The following MARCHF1 variants were observed in gnomAD, a reference collection of about 807,000 sequenced individuals.
The protein encoded by MARCHF1 is membrane associated ring-CH-type finger 1.
In MARCHF1, 40 loss-of-function variants were observed where a neutral mutation model predicts 54.2. The ratio of observed to expected loss-of-function variants is 0.74; its 90% CI spans 0.57 to 0.96. The LOEUF is 0.96. MARCHF1 is among the 40% of genes least tolerant of loss of function. MARCHF1 has a pLI of 0.00. For missense variants in MARCHF1, 586 were observed against 656.5 expected (o/e 0.89, Z 1.17); for synonymous variants, 236 against 236.3 (o/e 1.00, Z 0.01).
intron 3 of MARCHF1, among the ~76,000 whole-genome samples, chr4:163,898,334 A>C (rs1019579438): frequency 2.0e-5 from 3 of 152,170 alleles, no homozygotes; most frequent in African/African-American, 7.2e-5. Context: ...GAACTCAAAC[A>C]ACAAAAAAGC....
At chr4:163,574,300 C>A (rs2110771293) in intron 8 of MARCHF1, among the ~76,000 whole-genome samples, 1 of 152,198 alleles carries the variant, frequency 6.6e-6, no homozygotes, top group East Asian at 1.9e-4. Context: ...TTTTGCTGTG[C>A]AGAAGCTCTT....
chr4:164,123,300 G>C (rs892205093), intron 1 of MARCHF1, among the ~76,000 whole-genome samples: 1 of 152,008 alleles, frequency 6.6e-6, no homozygotes, highest in Admixed American at 6.6e-5. Flanking sequence ...GATGAAAGCA[G>C]TTGAAGAGGA....
chr4:163,546,678 C>T (rs570512452), intron 8 of MARCHF1, among the ~76,000 whole-genome samples: 16 of 152,292 alleles, frequency 1.1e-4, no homozygotes, highest in African/African-American at 3.4e-4. Flanking sequence ...TTTAGAGCAA[C>T]CTTTAGTTGC....
chr4:164,223,627 A>G (rs1282121811), intron 1 of MARCHF1, among the ~76,000 whole-genome samples: 1 of 151,960 alleles, frequency 6.6e-6, no homozygotes, highest in Non-Finnish European at 1.5e-5. Context: ...CAATGCCTTC[A>G]TGCGCTATTG....
intron 1 of MARCHF1, among the ~76,000 whole-genome samples, chr4:164,242,498 C>A (rs1237707087): frequency 6.7e-6 from 1 of 149,198 alleles, no homozygotes; most frequent in Non-Finnish European, 1.5e-5. Flanking sequence ...CATCAAAGAC[C>A]AAAAGTAGAT....
At chr4:163,594,289 G>A (rs1428353653) in intron 7 of MARCHF1, among the ~76,000 whole-genome samples, 6 of 151,896 alleles carry the variant, frequency 4.0e-5, no homozygotes, top group African/African-American at 1.4e-4. Flanking sequence ...AACATTATGT[G>A]GCCAAGTATG....
chr4:163,830,348 G>T (rs374572162), intron 4 of MARCHF1, among the ~76,000 whole-genome samples: 4 of 151,336 alleles, frequency 2.6e-5, no homozygotes, highest in Admixed American at 6.6e-5. Flanking sequence ...ATATATGCAC[G>T]TATCAGCACA....
chr4:164,013,856 C>A (rs991706730), intron 2 of MARCHF1, among the ~76,000 whole-genome samples: 2 of 152,120 alleles, frequency 1.3e-5, no homozygotes, highest in Admixed American at 1.3e-4. Flanking sequence ...CAACACCAGA[C>A]TTGCCTTAAA....
chr4:163,860,833 C>T (rs1749908636), intron 3 of MARCHF1, among the ~76,000 whole-genome samples: 2 of 152,214 alleles, frequency 1.3e-5, no homozygotes, highest in African/African-American at 4.8e-5. Flanking sequence ...TTAAATACAG[C>T]CCAACTTCTA....
At chr4:163,558,735 C>T (rs959275259) in intron 8 of MARCHF1, among the ~76,000 whole-genome samples, 17 of 152,110 alleles carry the variant, frequency 1.1e-4, no homozygotes. Context: ...CAGGCTTTTG[C>T]GTTGCCAGGG....
chr4:163,750,789 T>C (rs755126094), intron 4 of MARCHF1, among the ~76,000 whole-genome samples: 1 of 152,080 alleles, frequency 6.6e-6, no homozygotes, highest in Non-Finnish European at 1.5e-5. Flanking sequence ...ATAAACACAG[T>C]AGTGGCAAAC....
intron 1 of MARCHF1, chr4:164,188,920 C>T (rs560979808): frequency 3.0e-4 from 230 of 766,408 alleles, no homozygotes; most frequent in Admixed American, 8.7e-4. Flanking sequence ...ATGCCCAATG[C>T]GAAGCAACCA....
intron 2 of MARCHF1, among the ~76,000 whole-genome samples, chr4:164,007,131 G>A (rs1325136479): frequency 1.3e-5 from 2 of 149,250 alleles, no homozygotes; most frequent in African/African-American, 4.9e-5. Flanking sequence ...CGGATCACGA[G>A]GTCAGGAGAT....
chr4:164,034,268 G>C (rs145530347), intron 2 of MARCHF1, among the ~76,000 whole-genome samples: 15 of 152,204 alleles, frequency 9.9e-5, no homozygotes, highest in Admixed American at 3.9e-4. Flanking sequence ...ACTCATAAGT[G>C]GAAGTTGAAT....
chr4:164,052,953 C>A (rs925442502), intron 2 of MARCHF1, among the ~76,000 whole-genome samples: 1 of 152,114 alleles, frequency 6.6e-6, no homozygotes, highest in African/African-American at 2.4e-5. Flanking sequence ...ATCCAGATGG[C>A]TTATTTTCTT....
intron 7 of MARCHF1, 150 bp from the exon 8 acceptor site, chr4:163,586,079 C>A (rs763082562): frequency 3.9e-5 from 25 of 641,146 alleles, no homozygotes; most frequent in Non-Finnish European, 5.8e-5. Context: ...GATGCTAGAA[C>A]CAAATCTATG....
intron 3 of MARCHF1, among the ~76,000 whole-genome samples, chr4:163,916,755 C>G (rs901930991): frequency 5.9e-5 from 9 of 152,016 alleles, no homozygotes; most frequent in Admixed American, 4.6e-4. Context: ...CCATATTCTC[C>G]CTACCCCCAC....
At chr4:164,079,421 C>T (rs1003282143) in intron 2 of MARCHF1, among the ~76,000 whole-genome samples, 10 of 152,066 alleles carry the variant, frequency 6.6e-5, no homozygotes, top group Non-Finnish European at 1.2e-4. Context: ...TTGGCCAAAT[C>T]GAGTACTTTT....
chr4:164,101,143 G>C (rs186291124), intron 2 of MARCHF1, among the ~76,000 whole-genome samples: 4 of 152,130 alleles, frequency 2.6e-5, no homozygotes, highest in Admixed American at 6.5e-5. Flanking sequence ...TTGCTAGCAC[G>C]GCAGTCTGAG....
Sources: gnomAD v4.1 joint callset for allele counts (sites outside exome capture counted in the v4.1 genomes callset) on GRCh38, gnomAD v4.1.1 for gene constraint, MANE v1.5 for transcripts, NCBI Gene and HGNC (gene_info 2026-07-23, HGNC 2026-07-21) for gene names.